Variants in MAN2B2 observed in about 807,000 individuals in gnomAD.
MAN2B2 encodes epididymis-specific alpha-mannosidase.
MAN2B2 carries 106 observed loss-of-function variants against 117.1 expected under a neutral mutation model. The observed-to-expected ratio is 0.90, with a 90% confidence interval of 0.77 to 1.06. The LOEUF (loss-of-function observed/expected upper bound fraction) is 1.06, where lower values mean the gene tolerates loss of function less well. Among genes scored for constraint, MAN2B2 ranks in the 50% least tolerant of loss-of-function variants. MAN2B2 has a pLI of 0.00. For synonymous variants in MAN2B2, 544 were observed against 595.1 expected (o/e 0.91, Z 1.25); for missense variants, 1,326 against 1,381.4 (o/e 0.96, Z 0.64).
rs142007342 is a variant in MAN2B2, at chr4:6,616,835, G to A, written c.2702-545G>A. On this transcript the variant is annotated intron_variant, in intron 16 of 18. Transcript: ENST00000285599. ...CGCACCAGCTGTATGCCTTGGGCACGTGACTGCCCCTCTCTGAGCCTTGGT... is the reference window on the plus strand; with the variant it reads ...CGCACCAGCTGTATGCCTTGGGCACATGACTGCCCCTCTCTGAGCCTTGGT... Among the ~76,000 whole-genome samples, 447 of 152,292 alleles carry A rather than the reference G, an allele frequency of 2.9e-3. 1 individual carries two copies. Among genetic ancestry groups the A allele is most frequent in the Non-Finnish European group, 5.4e-3 (370 of 68,024 alleles).
intron 13 of MAN2B2, 90 bp downstream of exon 13, chr4:6,610,140 A>G (rs1327573277): frequency 2.0e-6 from 3 of 1,520,820 alleles, no homozygotes; most frequent in Non-Finnish European, 2.7e-6. Context: ...AGGCCAGTAG[A>G]GGCCTCCAGT....
At chr4:6,602,191 G>C (rs1385086597) in intron 10 of MAN2B2, among the ~76,000 whole-genome samples, 2 of 152,222 alleles carry the variant, frequency 1.3e-5, no homozygotes, top group Admixed American at 6.5e-5. Context: ...ACTGTGCCCA[G>C]CACTAATGGG....
chr4:6,579,141 T>TCACCATCACCACCAC (rs1726238360), intron 3 of MAN2B2, among the ~76,000 whole-genome samples: 1 of 23,970 alleles, frequency 4.2e-5, no homozygotes, highest in Non-Finnish European at 8.7e-5. Context: ...ACCACCACCA[T>TCACCATCACCACCAC]CACCACCACC....
At chr4:6,576,066 G>A (rs1726047695) in intron 1 of MAN2B2, among the ~76,000 whole-genome samples, 1 of 152,192 alleles carries the variant, frequency 6.6e-6, no homozygotes, top group African/African-American at 2.4e-5. Context: ...ACACACTACA[G>A]CTGTGGTCCT....
intron 5 of MAN2B2, among the ~76,000 whole-genome samples, chr4:6,591,043 G>A (rs989738249): frequency 1.2e-4 from 18 of 152,192 alleles, no homozygotes; most frequent in African/African-American, 4.1e-4. Context: ...AGCTACCTGG[G>A]AGGCTGAGGC....
At chr4:6,620,255 A>G in intron 18 of MAN2B2, 1 of 522,846 alleles carries the variant, frequency 1.9e-6, no homozygotes, top group Non-Finnish European at 3.5e-6. Context: ...GGCTCCACAC[A>G]GGCGTGTGTG....
rs1712230258 is a variant in MAN2B2 at position 6,622,756 on chromosome 4, A to G, written c.*1471A>G. ...CGGCCTAAACCGTTTTAAAGAGTAA[A>G]CTGTAAGATGTAGGAAATTATTTGG... On this transcript the variant is annotated 3_prime_UTR_variant, in exon 19 of 19. Transcript: ENST00000285599. 1 of 151,976 alleles carries G rather than the reference A, an allele frequency of 6.6e-6. No individual in the cohort carries two copies. The highest frequency in any genetic ancestry group is 2.1e-4 in the South Asian group (1 of 4,832). The allele number at this position is 151,976 out of a possible 1,614,324, so 9.4% of individuals were successfully genotyped here.
Position 6,594,571 on chromosome 4 carries a change from T to C in MAN2B2, c.896T>C (p.Phe299Ser). The change falls in exon 7 of 19, where the codon TTT (phenylalanine) becomes TCT (serine). Residue 299 changes from phenylalanine (F) to serine (S), a missense_variant. Phe to Ser is a radical substitution (Grantham distance 155). Transcript: ENST00000285599. ...CAGTTCTTCAATGCCTCGGTGCAGT[T>C]TGCCAACATGGACCCGCTGCTGGAC... ...DKQFFNASVQFANMDPLLDHI... is the reference protein window; with the variant it reads ...DKQFFNASVQSANMDPLLDHI... 1 of 1,613,618 alleles carries C rather than the reference T, an allele frequency of 6.2e-7. No homozygotes were observed. Among genetic ancestry groups the C allele is most frequent in the Non-Finnish European group, 8.5e-7 (1 of 1,180,024 alleles).
At chr4:6,600,503 A>G in intron 9 of MAN2B2, 120 bp from the exon 10 acceptor site, 1 of 1,175,846 alleles carries the variant, frequency 8.5e-7, no homozygotes, top group Non-Finnish European at 1.2e-6. Context: ...CTCCCCTGGG[A>G]GTTCTGGAGG....
At chr4:6,575,425 G>A in intron 1 of MAN2B2, 77 bp downstream of exon 1, 2 of 1,187,870 alleles carry the variant, frequency 1.7e-6, no homozygotes, top group Non-Finnish European at 1.1e-6. Flanking sequence ...GTGGGTTTGC[G>A]TCCCGGGGCC....
intron 9 of MAN2B2, 72 bp from the exon 10 acceptor site, chr4:6,600,551 G>T (rs1330397476): frequency 5.8e-6 from 9 of 1,564,822 alleles, no homozygotes; most frequent in Non-Finnish European, 7.9e-6. Context: ...TCATACTGAG[G>T]TGCAGCCAGT....
chr4:6,617,972 C>G lies in MAN2B2; in HGVS notation c.2814+480C>G, dbSNP rs140191615. ...AAGTGATTCTCCTGCCTCAGCCTCC[C>G]GAGTAGCTGGGATTACAGGCATGTG... On this transcript the variant is annotated intron_variant, in intron 17 of 18. Transcript: ENST00000285599. 731 of 167,342 alleles carry G rather than the reference C, an allele frequency of 4.4e-3. 7 individuals carry two copies. Among genetic ancestry groups the G allele is most frequent in the African/African-American group, 0.016 (676 of 41,612 alleles). The allele number at this position is 167,342 out of a possible 1,614,324, so 10.4% of individuals were successfully genotyped here. A position where few individuals can be genotyped will look rare whatever the true frequency, so the allele number is the denominator to read the frequency against.
At position 6,617,424 on chromosome 4, in the gene MAN2B2, C is replaced by T. The variant is rs752366689; in HGVS notation, c.2746C>T (p.Arg916Trp). 4.0e-5 allele frequency: 65 copies of T among 1,614,024 alleles called. No individual in the cohort carries two copies. The highest frequency in any genetic ancestry group is 6.7e-5 in the African/African-American group (5 of 74,918). The change falls in exon 17 of 19, where the codon CGG (arginine) becomes TGG (tryptophan). Residue 916 changes from arginine to tryptophan, a missense_variant. Coordinates refer to ENST00000285599, the MANE Select transcript of MAN2B2 (RefSeq NM_015274.3). ...GGCTGACCTCCGCCGTGTCCTGCTGCGGCTCTACCACCTATATGAAGTGGG... is the reference window on the plus strand; with the variant it reads ...GGCTGACCTCCGCCGTGTCCTGCTGTGGCTCTACCACCTATATGAAGTGGG... ...AQADLRRVLL[R>W]LYHLYEVGED...
In MAN2B2 at chr4:6,610,949, C is replaced by A. The variant is rs117389726; in HGVS notation, c.2329C>A (p.Arg777=). Residue 777 remains arginine (R), a synonymous_variant, in exon 14 of 19, where the codon CGG becomes AGG. Transcript: ENST00000285599. ...AAGCAGGCTTGTGTTGCTGTCGGAG[C>A]GGGCACATGGCATCTCCAGCCAAGG... ...GKSRLVLLSE[R]AHGISSQGNG... 6.2e-7 allele frequency: 1 copy of A among 1,614,164 alleles called. No individual in the cohort carries two copies. Among genetic ancestry groups the A allele is most frequent in the Non-Finnish European group, 8.5e-7 (1 of 1,180,000 alleles).
chr4:6,603,497 A>C (rs934562494), intron 10 of MAN2B2, among the ~76,000 whole-genome samples: 1 of 152,126 alleles, frequency 6.6e-6, no homozygotes, highest in African/African-American at 2.4e-5. Context: ...CAGCACAGGG[A>C]GAGGCGAAGG....
chr4:6,579,015 C>CCACCAT (rs1405877849), intron 3 of MAN2B2, among the ~76,000 whole-genome samples: 1 of 102,434 alleles, frequency 9.8e-6, no homozygotes, highest in Non-Finnish European at 1.9e-5. Context: ...ACCACCACCA[C>CCACCAT]CACCATCACC....
In MAN2B2 at chr4:6,620,954, T is replaced by G; in HGVS notation, c.2933-234T>G. On this transcript the variant is annotated intron_variant, in intron 18 of 18. Transcript: ENST00000285599. ...AGAAACGCCAAGAGGCCCACAGGAGTCCTGGCAGAAGGGGATGCCATAGGC... is the reference window on the plus strand; with the variant it reads ...AGAAACGCCAAGAGGCCCACAGGAGGCCTGGCAGAAGGGGATGCCATAGGC... The G allele has an allele frequency of 7.9e-6, 4 of 503,286 alleles. No individual in the cohort carries two copies. In the South Asian group the frequency reaches 1.1e-4, roughly 14 times the overall value. The allele number at this position is 503,286 out of a possible 1,614,324, so 31.2% of individuals were successfully genotyped here.
At chr4:6,612,452 G>T (rs1310589847) in intron 15 of MAN2B2, among the ~76,000 whole-genome samples, 1 of 152,228 alleles carries the variant, frequency 6.6e-6, no homozygotes, top group African/African-American at 2.4e-5. Flanking sequence ...GAGCCTGAAG[G>T]GGCAGCTATT....
intron 4 of MAN2B2, among the ~76,000 whole-genome samples, chr4:6,588,291 C>T (rs1015135420): frequency 4.6e-5 from 7 of 152,156 alleles, no homozygotes; most frequent in South Asian, 2.1e-4. Flanking sequence ...GTGGATGCCC[C>T]GCTTCTTTCA....
Sources: allele counts gnomAD v4.1 joint callset (sites outside exome capture counted in the v4.1 genomes callset), GRCh38; gene constraint gnomAD v4.1.1; transcripts MANE v1.5; gene names NCBI Gene and HGNC (gene_info 2026-07-23, HGNC 2026-07-21).